Variants in GREB1L observed in about 807,000 individuals in gnomAD.
GREB1L encodes GREB1-like protein.
Under a neutral mutation model 200.8 loss-of-function variants are expected in GREB1L, and 17 were observed. The ratio of observed to expected loss-of-function variants is 0.08; its 90% CI spans 0.06 to 0.13. The LOEUF (loss-of-function observed/expected upper bound fraction) is 0.13. GREB1L is among the 10% of genes least tolerant of loss of function. The probability of loss-of-function intolerance (pLI) is 1.00; values close to 1 mark genes in which losing one functional copy is unlikely to be tolerated. For missense variants in GREB1L, 1,657 were observed against 2,367.7 expected (o/e 0.70, Z 6.23); for synonymous variants, 789 against 893.0 (o/e 0.88, Z 2.08).
intron 4 of GREB1L, among the ~76,000 whole-genome samples, chr18:21,386,649 G>C (rs1248758329): frequency 6.8e-6 from 1 of 146,732 alleles, no homozygotes; most frequent in Non-Finnish European, 1.5e-5. Context: ...GACTACAGGC[G>C]CCCGCTAACA....
chr18:21,370,819 C>T (rs902260487), intron 2 of GREB1L, among the ~76,000 whole-genome samples: 16 of 152,196 alleles, frequency 1.1e-4, no homozygotes, highest in Non-Finnish European at 2.1e-4. Flanking sequence ...TGGCTCACGC[C>T]TATAATTCCA....
At chr18:21,437,271 A>G (rs763390192) in intron 7 of GREB1L, among the ~76,000 whole-genome samples, 4 of 152,134 alleles carry the variant, frequency 2.6e-5, no homozygotes, top group Admixed American at 1.3e-4. Flanking sequence ...TACTTTACAC[A>G]GCCCACTTTT....
chr18:21,518,795 T>C (rs1391183505), intron 31 of GREB1L, among the ~76,000 whole-genome samples: 1 of 152,214 alleles, frequency 6.6e-6, no homozygotes, highest in Non-Finnish European at 1.5e-5. Flanking sequence ...TTTCACATTT[T>C]AGTTTTTTTT....
chr18:21,390,551 T>C (rs1429913155), intron 4 of GREB1L, among the ~76,000 whole-genome samples: 1 of 152,134 alleles, frequency 6.6e-6, no homozygotes, highest in Non-Finnish European at 1.5e-5. Flanking sequence ...TTTGTTTTTG[T>C]TTTTGAGATG....
rs184557164 is a variant in GREB1L at position 21,459,845 on chromosome 18, G to A, written c.2182+5282G>A. ...TGCTGTCCTGAGGTAGAGGAAACAC[G>A]AGAGATTGCTTTGTGCAAGCATAAC... On this transcript the variant is annotated intron_variant, in intron 15 of 32. Transcript: ENST00000424526. Among the ~76,000 whole-genome samples the A allele has an allele frequency of 1.5e-4, 23 of 152,246 alleles. No individual in the cohort carries two copies. The East Asian group carries it at 3.3e-3, about 22-fold the overall frequency.
chr18:21,457,023 T>C (rs187331987), intron 15 of GREB1L, among the ~76,000 whole-genome samples: 82 of 152,342 alleles, frequency 5.4e-4, no homozygotes, highest in African/African-American at 1.9e-3. Context: ...AAACACATCA[T>C]GGCACCTGTT....
intron 1 of GREB1L, among the ~76,000 whole-genome samples, chr18:21,331,148 G>C (rs780852803): frequency 3.3e-5 from 5 of 152,124 alleles, no homozygotes; most frequent in Non-Finnish European, 7.4e-5. Context: ...GGTTGAATTG[G>C]TGACTATTAT....
chr18:21,417,375 A>T (rs373552029), intron 7 of GREB1L, among the ~76,000 whole-genome samples: 1 of 151,996 alleles, frequency 6.6e-6, no homozygotes, highest in East Asian at 1.9e-4. Context: ...TGCAAAAAAA[A>T]TTGCCAGGCA....
At chr18:21,453,738 C>T (rs1598867171) in intron 14 of GREB1L, among the ~76,000 whole-genome samples, 1 of 152,184 alleles carries the variant, frequency 6.6e-6, no homozygotes, top group African/African-American at 2.4e-5. Flanking sequence ...CCACAACCAC[C>T]TAGACCTGCT....
intron 1 of GREB1L, among the ~76,000 whole-genome samples, chr18:21,351,296 C>T (rs2039429371): frequency 6.6e-6 from 1 of 151,842 alleles, no homozygotes; most frequent in Admixed American, 6.6e-5. Flanking sequence ...AACTGTTGGC[C>T]AGGAGTGATG....
At chr18:21,521,328 G>A (rs903251419) in intron 32 of GREB1L, among the ~76,000 whole-genome samples, 2 of 150,978 alleles carry the variant, frequency 1.3e-5, no homozygotes, top group African/African-American at 2.4e-5. Context: ...CCAAGATCAC[G>A]CCATTGCACT....
chr18:21,481,442 T>C (rs937324844), intron 17 of GREB1L, among the ~76,000 whole-genome samples: 2 of 67,672 alleles, frequency 3.0e-5, no homozygotes, highest in African/African-American at 3.3e-4. Context: ...TATATGTATG[T>C]GTGTGTGTGT....
intron 27 of GREB1L, among the ~76,000 whole-genome samples, chr18:21,510,013 G>T (rs1354800993): frequency 6.6e-6 from 1 of 151,756 alleles, no homozygotes; most frequent in Non-Finnish European, 1.5e-5. Flanking sequence ...TTTGAGACCA[G>T]CCTGGCCAAC....
chr18:21,497,409 G>A (rs1422875292), intron 21 of GREB1L, among the ~76,000 whole-genome samples: 5 of 152,296 alleles, frequency 3.3e-5, no homozygotes, highest in South Asian at 2.1e-4. Flanking sequence ...TTGGGAGGCC[G>A]AGGCAGGTGG....
rs533970172 is a variant in GREB1L, at chr18:21,290,342, T to C, written c.-120+47949T>C. Among the ~76,000 whole-genome samples the C allele has an allele frequency of 6.1e-4, 93 of 152,382 alleles. 1 individual carries two copies. Among genetic ancestry groups the C allele is most frequent in the South Asian group, 4.4e-3 (21 of 4,826 alleles). ...CAGCCTTGCTGTATTTTGTATTAAA[T>C]GGATGAGTCATCTTTTTATATGTAA... On this transcript the variant is annotated intron_variant, in intron 1 of 32. Transcript: ENST00000424526.
At chr18:21,292,192 G>A (rs1402456825) in intron 1 of GREB1L, among the ~76,000 whole-genome samples, 2 of 152,128 alleles carry the variant, frequency 1.3e-5, no homozygotes, top group Non-Finnish European at 2.9e-5. Context: ...AGGTGCTACT[G>A]GCATCAATAA....
chr18:21,473,662 CTT>C (rs1335432251), intron 16 of GREB1L, among the ~76,000 whole-genome samples: 2 of 151,580 alleles, frequency 1.3e-5, no homozygotes, highest in Non-Finnish European at 2.9e-5. Flanking sequence ...TTACTGGTAA[CTT>C]TTTCCTACCC....
rs146849591 is a variant in GREB1L at position 21,292,907 on chromosome 18, G to A, written c.-120+50514G>A. Among the ~76,000 whole-genome samples the A allele has an allele frequency of 7.7e-4, 118 of 152,296 alleles. 2 individuals carry two copies. The South Asian group carries it at 0.013, about 17-fold the overall frequency. On this transcript the variant is annotated intron_variant, in intron 1 of 32. Coordinates refer to ENST00000424526, the MANE Select transcript of GREB1L (RefSeq NM_001142966.3). ...GAGAAGCAAGGAAGAGAGCACAGCA[G>A]GGGAACTGTGGGCATCTCAGAGGCA...
intron 2 of GREB1L, among the ~76,000 whole-genome samples, chr18:21,367,391 T>G (rs116265530): frequency 6.6e-6 from 1 of 152,176 alleles, no homozygotes. Flanking sequence ...TTAGTGTTTC[T>G]CTCTCAGGAA....
Sources: allele counts gnomAD v4.1 joint callset (sites outside exome capture counted in the v4.1 genomes callset), GRCh38; gene constraint gnomAD v4.1.1; transcripts MANE v1.5; gene names NCBI Gene and HGNC (gene_info 2026-07-23, HGNC 2026-07-21).